The following GRAMD1B variants were observed in gnomAD, a reference collection of about 807,000 sequenced individuals.
GRAMD1B encodes GRAM domain containing 1B.
In GRAMD1B, 37 loss-of-function variants were observed where a neutral mutation model predicts 99.7. That is an observed-to-expected ratio of 0.37 (90% CI 0.29 to 0.49). The LOEUF (loss-of-function observed/expected upper bound fraction) is 0.49. Ranked by LOEUF, GRAMD1B falls within the 20% of genes least tolerant of loss-of-function variation. The pLI is 0.98. For synonymous variants in GRAMD1B, 427 were observed against 387.6 expected (o/e 1.10, Z -1.19); for missense variants, 888 against 1,009.2 (o/e 0.88, Z 1.63).
rs3741116 is a variant in GRAMD1B, at chr11:123,627,263, A to G, written c.*4668A>G. 54,948 of 152,236 alleles carry G rather than the reference A, an allele frequency of 0.36. 10,330 individuals are homozygous for G. The highest frequency in any genetic ancestry group is 0.45 in the African/African-American group (18,577 of 41,518). 9.4% of individuals were successfully genotyped at this position (152,236 alleles called of 1,614,324 possible). ...CAAGGCAGCTGGCTCTGTCTGGGGC[A>G]TCGGCCTGGGGCTTGGGTGCCACGT... On this transcript the variant is annotated 3_prime_UTR_variant, in exon 20 of 20. Coordinates refer to ENST00000635736, the MANE Select transcript of GRAMD1B (RefSeq NM_001387025.1).
intron 2 of GRAMD1B, among the ~76,000 whole-genome samples, chr11:123,500,857 A>G (rs1286211811): frequency 1.3e-5 from 2 of 152,064 alleles, no homozygotes; most frequent in African/African-American, 2.4e-5. Flanking sequence ...TATTTTTTGT[A>G]GAGACAAGGT....
At chr11:123,563,855 A>G (rs1044032383) in intron 2 of GRAMD1B, among the ~76,000 whole-genome samples, 1 of 152,222 alleles carries the variant, frequency 6.6e-6, no homozygotes, top group Non-Finnish European at 1.5e-5. Context: ...TGTATTTTAA[A>G]TTAGACTAAA....
chr11:123,375,791 T>C (rs1946672839), intron 1 of GRAMD1B, among the ~76,000 whole-genome samples: 1 of 152,146 alleles, frequency 6.6e-6, no homozygotes, highest in Non-Finnish European at 1.5e-5. Context: ...TGTTGAAGGT[T>C]GGAGAATGAT....
intron 1 of GRAMD1B, among the ~76,000 whole-genome samples, chr11:123,450,987 C>T (rs1046976642): frequency 3.9e-5 from 6 of 152,018 alleles, no homozygotes; most frequent in African/African-American, 7.2e-5. Flanking sequence ...CCACAGAGTG[C>T]GGTACCTTAA....
At chr11:123,381,425 G>A (rs1946869680) in intron 1 of GRAMD1B, 1 of 154,398 alleles carries the variant, frequency 6.5e-6, no homozygotes, top group Admixed American at 6.5e-5. Flanking sequence ...TACCAGCATT[G>A]TCTTCCTCTT....
At chr11:123,501,582 T>C (rs1032921582) in intron 2 of GRAMD1B, among the ~76,000 whole-genome samples, 1 of 152,164 alleles carries the variant, frequency 6.6e-6, no homozygotes, top group Non-Finnish European at 1.5e-5. Context: ...ATCTCATGGA[T>C]CTTTTTTTCT....
At chr11:123,365,938 T>G (rs537493820) in intron 1 of GRAMD1B, among the ~76,000 whole-genome samples, 69 of 152,294 alleles carry the variant, frequency 4.5e-4, no homozygotes, top group Non-Finnish European at 7.4e-4. Context: ...GCTGAACCAG[T>G]GTTTAAATAA....
rs1433203639 is a variant in GRAMD1B, at chr11:123,624,184, C to T, written c.*1589C>T. 2 of 152,196 alleles carry T rather than the reference C, an allele frequency of 1.3e-5. No individual in the cohort carries two copies. The highest frequency in any genetic ancestry group is 2.4e-5 in the African/African-American group (1 of 41,440). 9.4% of individuals were successfully genotyped at this position (152,196 alleles called of 1,614,324 possible). ...CAGTCTTGCTTATTCTTCTCCTGGG[C>T]TTCTTGACACAGGGGCAGAAGAAAC... On this transcript the variant is annotated 3_prime_UTR_variant, in exon 20 of 20. Coordinates refer to ENST00000635736, the MANE Select transcript of GRAMD1B (RefSeq NM_001387025.1).
intron 16 of GRAMD1B, 48 bp downstream of exon 16, chr11:123,613,706 A>T: frequency 7.1e-7 from 1 of 1,417,176 alleles, no homozygotes; most frequent in Admixed American, 1.7e-5. Context: ...TTTGGGCTGG[A>T]GCTGCATGCC....
At chr11:123,413,082 T>C (rs577091840) in intron 1 of GRAMD1B, among the ~76,000 whole-genome samples, 4 of 152,156 alleles carry the variant, frequency 2.6e-5, no homozygotes, top group Non-Finnish European at 5.9e-5. Context: ...GCACCCAGCC[T>C]GCACTCTCTT....
intron 1 of GRAMD1B, among the ~76,000 whole-genome samples, chr11:123,370,988 A>G (rs1274412488): frequency 6.6e-6 from 1 of 151,982 alleles, no homozygotes; most frequent in African/African-American, 2.4e-5. Context: ...TGAAACTGGG[A>G]GAACGATGAG....
At chr11:123,399,379 G>A (rs1017202527) in intron 1 of GRAMD1B, among the ~76,000 whole-genome samples, 3 of 152,214 alleles carry the variant, frequency 2.0e-5, no homozygotes, top group African/African-American at 7.2e-5. Context: ...ATTGTGAATA[G>A]TGCTGCAATG....
At chr11:123,600,585 G>A (rs907426226) in intron 8 of GRAMD1B, 37 bp downstream of exon 8, 12 of 1,322,294 alleles carry the variant, frequency 9.1e-6, no homozygotes, top group East Asian at 2.3e-5. Flanking sequence ...TGTGGGACTG[G>A]CTATCTCTAG....
At chr11:123,609,272 C>T (rs1279814802) in intron 12 of GRAMD1B, among the ~76,000 whole-genome samples, 1 of 152,166 alleles carries the variant, frequency 6.6e-6, no homozygotes, top group Admixed American at 6.5e-5. Flanking sequence ...GGCCGGGCCT[C>T]ACATCTAGGA....
intron 1 of GRAMD1B, among the ~76,000 whole-genome samples, chr11:123,400,412 G>T (rs571660388): frequency 2.4e-4 from 37 of 152,298 alleles, no homozygotes; most frequent in Admixed American, 1.5e-3. Context: ...GGGAGGCAGG[G>T]GTTGCAGTGA....
chr11:123,602,013 G>GTGTCCCAGGCAGGGTGAATGT (rs529544994), intron 8 of GRAMD1B, among the ~76,000 whole-genome samples: 2 of 152,210 alleles, frequency 1.3e-5, no homozygotes, highest in Admixed American at 1.3e-4. Flanking sequence ...AGAGGCAGAT[G>GTGTCCCAGGCAGGGTGAATGT]TGTCCCAGGC....
chr11:123,575,038 C>T (rs1948567213), intron 2 of GRAMD1B, among the ~76,000 whole-genome samples: 1 of 152,080 alleles, frequency 6.6e-6, no homozygotes, highest in Non-Finnish European at 1.5e-5. Flanking sequence ...GTGTTGAAGG[C>T]AGCATTTTAG....
chr11:123,601,766 A>C (rs540106061), intron 8 of GRAMD1B, among the ~76,000 whole-genome samples: 8 of 152,324 alleles, frequency 5.3e-5, no homozygotes, highest in African/African-American at 1.7e-4. Context: ...TTTAGTCTCT[A>C]CTGGCAGGTT....
chr11:123,389,600 G>T (rs975715847), intron 1 of GRAMD1B, among the ~76,000 whole-genome samples: 1 of 152,160 alleles, frequency 6.6e-6, no homozygotes, highest in Non-Finnish European at 1.5e-5. Flanking sequence ...ACTGGATGAA[G>T]AATGGAGTTT....
Sources: allele counts gnomAD v4.1 joint callset (sites outside exome capture counted in the v4.1 genomes callset), GRCh38; gene constraint gnomAD v4.1.1; transcripts MANE v1.5; gene names NCBI Gene and HGNC (gene_info 2026-07-23, HGNC 2026-07-21).